RAPGEF6: variants seen among roughly 807,000 people sequenced by gnomAD.
RAPGEF6 encodes the protein PDZ domain containing guanine nucleotide exchange factor (GEF) 2.
A neutral mutation model predicts 171.4 loss-of-function variants in RAPGEF6; 56 were observed. The observed-to-expected ratio is 0.33, with a 90% confidence interval of 0.26 to 0.41. The LOEUF is 0.41. Among genes scored for constraint, RAPGEF6 ranks in the 10% least tolerant of loss-of-function variants. The pLI is 1.00. For synonymous variants in RAPGEF6, 692 were observed against 650.1 expected, an observed-to-expected ratio of 1.06 and a Z score of -0.98; for missense variants, 1,674 against 1,921.4, an observed-to-expected ratio of 0.87 and a Z score of 2.41.
At position 131,493,493 on chromosome 5, in the gene RAPGEF6, T is replaced by A. The variant is rs1580913002; in HGVS notation, c.1528-708A>T. The stretch of plus-strand genomic sequence containing the variant: ...CCTTGAACAACTTGAACCACCTTTT[T>A]AAATATTGTCCAATGTTCAAAGAAA... On this transcript the variant is annotated intron_variant, in intron 13 of 27. Transcript: ENST00000509018. 2.0e-5 allele frequency among the ~76,000 whole-genome samples: 3 copies of A among 152,238 alleles called. No individual in the cohort carries two copies. The East Asian group carries it at 5.8e-4, about 29-fold the overall frequency.
chr5:131,589,106 A>G (rs1406433127), intron 4 of RAPGEF6, among the ~76,000 whole-genome samples: 1 of 152,146 alleles, frequency 6.6e-6, no homozygotes, highest in African/African-American at 2.4e-5. Context: ...ACAGCAACTA[A>G]GAAAAAGGCA....
intron 3 of RAPGEF6, among the ~76,000 whole-genome samples, chr5:131,601,860 C>T (rs1044311257): frequency 6.6e-6 from 1 of 151,750 alleles, no homozygotes; most frequent in African/African-American, 2.4e-5. Flanking sequence ...AGTGAAACCC[C>T]GTCTCTACTA....
intron 11 of RAPGEF6, among the ~76,000 whole-genome samples, chr5:131,502,648 T>C (rs571429226): frequency 6.6e-6 from 1 of 152,174 alleles, no homozygotes; most frequent in Non-Finnish European, 1.5e-5. Context: ...CTAAGGATAT[T>C]AACAACAGTG....
intron 1 of RAPGEF6, among the ~76,000 whole-genome samples, chr5:131,610,932 C>T (rs955744034): frequency 5.3e-5 from 8 of 152,156 alleles, no homozygotes; most frequent in Admixed American, 1.3e-4. Flanking sequence ...ATCCCTATTA[C>T]GGGGCTCTGT....
In RAPGEF6 at chr5:131,446,473, T is replaced by G; in HGVS notation, c.3421+10A>C. 6.2e-7 allele frequency: 1 copy of G among 1,604,952 alleles called. No individual in the cohort carries two copies. The highest frequency in any genetic ancestry group is 8.5e-7 in the Non-Finnish European group (1 of 1,175,232). ...TCTTTAGCGTCACATAAATGAAAAC[T>G]TGTACTCACAGGTACCATATGCAGG... is the stretch of plus-strand genomic sequence containing the variant. On this transcript the variant is annotated intron_variant, in intron 22 of 27. Transcript: ENST00000509018.
intron 6 of RAPGEF6, among the ~76,000 whole-genome samples, chr5:131,524,311 T>A (rs892869593): frequency 2.1e-4 from 32 of 152,164 alleles, no homozygotes; most frequent in Admixed American, 2.1e-3. Context: ...CTACAGAATG[T>A]AAGTCTGGAG....
intron 1 of RAPGEF6, among the ~76,000 whole-genome samples, chr5:131,627,780 A>G (rs13174006): frequency 0.77 from 117,456 of 152,110 alleles, 45,621 homozygotes; most frequent in Middle Eastern, 0.82. Context: ...AGCAAGTCCA[A>G]CAGCACCATT....
intron 3 of RAPGEF6, among the ~76,000 whole-genome samples, chr5:131,597,428 T>C (rs1337555573): frequency 1.3e-5 from 2 of 151,954 alleles, no homozygotes; most frequent in Non-Finnish European, 2.9e-5. Context: ...TATTTTACAA[T>C]AGCCAAAATA....
At chr5:131,561,153 C>A (rs1001735951) in intron 5 of RAPGEF6, among the ~76,000 whole-genome samples, 1 of 152,030 alleles carries the variant, frequency 6.6e-6, no homozygotes, top group African/African-American at 2.4e-5. Flanking sequence ...AACTACTTAG[C>A]TCTTTTAAGA....
At chr5:131,474,212 C>T (rs1377723290) in intron 16 of RAPGEF6, among the ~76,000 whole-genome samples, 1 of 152,192 alleles carries the variant, frequency 6.6e-6, no homozygotes, top group Non-Finnish European at 1.5e-5. Flanking sequence ...CCCCTGCAAT[C>T]CCAGCACTTT....
intron 25 of RAPGEF6, among the ~76,000 whole-genome samples, chr5:131,433,068 A>T (rs989459361): frequency 6.6e-6 from 1 of 152,138 alleles, no homozygotes; most frequent in African/African-American, 2.4e-5. Flanking sequence ...ACCTGTCTAC[A>T]ATGTGCACAG....
intron 21 of RAPGEF6, among the ~76,000 whole-genome samples, chr5:131,447,838 T>C (rs1752820547): frequency 6.6e-6 from 1 of 152,188 alleles, no homozygotes; most frequent in Non-Finnish European, 1.5e-5. Context: ...TAGGGGTATA[T>C]CTTACACTGA....
intron 17 of RAPGEF6, among the ~76,000 whole-genome samples, chr5:131,471,805 C>T (rs563783597): frequency 1.6e-4 from 25 of 152,108 alleles, no homozygotes; most frequent in Non-Finnish European, 1.8e-4. Flanking sequence ...TATGCTATAA[C>T]GCTCTGATAA....
intron 19 of RAPGEF6, 82 bp from the exon 20 acceptor site, chr5:131,456,094 T>A: frequency 1.1e-6 from 1 of 931,092 alleles, no homozygotes; most frequent in Non-Finnish European, 1.6e-6. Context: ...CCATTTTCTC[T>A]AATAAAAGTA....
At chr5:131,508,321 C>T in intron 8 of RAPGEF6, 114 bp from the exon 9 acceptor site, 2 of 1,104,032 alleles carry the variant, frequency 1.8e-6, no homozygotes, top group Non-Finnish European at 2.5e-6. Flanking sequence ...ATTTATGTTG[C>T]TAAAGTAGAG....
chr5:131,488,317 C>T (rs923028374), intron 15 of RAPGEF6, among the ~76,000 whole-genome samples: 28 of 152,050 alleles, frequency 1.8e-4, no homozygotes, highest in East Asian at 9.7e-4. Flanking sequence ...CTTTATGTGA[C>T]GGGTACAAAA....
chr5:131,575,497 C>T (rs563594712), intron 4 of RAPGEF6, among the ~76,000 whole-genome samples: 2 of 152,290 alleles, frequency 1.3e-5, no homozygotes, highest in South Asian at 4.1e-4. Context: ...GCTCTCCCTG[C>T]TGTGTCCAGC....
chr5:131,473,202 C>A, intron 16 of RAPGEF6, among the ~76,000 whole-genome samples: 1 of 152,044 alleles, frequency 6.6e-6, no homozygotes, highest in Non-Finnish European at 1.5e-5. Flanking sequence ...AAAACTATGG[C>A]AGGTAATAGA....
chr5:131,543,167 T>C (rs1399850395), intron 6 of RAPGEF6, among the ~76,000 whole-genome samples: 1 of 152,242 alleles, frequency 6.6e-6, no homozygotes, highest in East Asian at 1.9e-4. Context: ...ACAAGTGACA[T>C]TGTTAGAGCT....
Sources: allele counts gnomAD v4.1 joint callset (sites outside exome capture counted in the v4.1 genomes callset), GRCh38; gene constraint gnomAD v4.1.1; transcripts MANE v1.5; gene names NCBI Gene and HGNC (gene_info 2026-07-23, HGNC 2026-07-21).